KPNA1: variants seen among roughly 807,000 people sequenced by gnomAD.
The protein encoded by KPNA1 is karyopherin subunit alpha 1, also known as importin subunit alpha-5.
Under a neutral mutation model 70.5 loss-of-function variants are expected in KPNA1, and 10 were observed. The ratio of observed to expected loss-of-function variants is 0.14; its 90% CI spans 0.09 to 0.24. The LOEUF is 0.24. Among genes scored for constraint, KPNA1 ranks in the 10% least tolerant of loss-of-function variants. The pLI is 1.00. For missense variants in KPNA1, 397 were observed against 637.9 expected (o/e 0.62, Z 4.07); for synonymous variants, 192 against 221.9 (o/e 0.87, Z 1.20).
At chr3:122,495,838 A>C (rs2076754152) in intron 2 of KPNA1, among the ~76,000 whole-genome samples, 2 of 152,142 alleles carry the variant, frequency 1.3e-5, no homozygotes, top group Non-Finnish European at 2.9e-5. Flanking sequence ...AAAAAAAAAA[A>C]ATCAATGTTC....
intron 12 of KPNA1, among the ~76,000 whole-genome samples, chr3:122,429,379 C>T (rs945885923): frequency 4.7e-5 from 6 of 127,280 alleles, no homozygotes; most frequent in Admixed American, 1.9e-4. Flanking sequence ...ACACAGGAGG[C>T]GGAGGTTGCA....
intron 12 of KPNA1, among the ~76,000 whole-genome samples, chr3:122,429,467 AAAG>A (rs1416289012): frequency 6.6e-6 from 1 of 150,700 alleles, no homozygotes; most frequent in African/African-American, 2.5e-5. Flanking sequence ...AAAAAAAAAA[AAAG>A]AATCTCATTT....
At chr3:122,453,443 T>C (rs2076232889) in intron 6 of KPNA1, among the ~76,000 whole-genome samples, 1 of 152,216 alleles carries the variant, frequency 6.6e-6, no homozygotes, top group African/African-American at 2.4e-5. Context: ...AACACTCCTT[T>C]GTGACAATCC....
chr3:122,501,850 T>A (rs2076832923), intron 1 of KPNA1, among the ~76,000 whole-genome samples: 2 of 152,182 alleles, frequency 1.3e-5, no homozygotes, highest in Admixed American at 1.3e-4. Flanking sequence ...GAATTCTCTG[T>A]TTCTGTCAGT....
chr3:122,459,978 T>C (rs1259346818), intron 5 of KPNA1: 1 of 985,478 alleles, frequency 1.0e-6, no homozygotes, highest in South Asian at 4.7e-5. Context: ...AGTGTCTACA[T>C]GGCTCCAGCC....
rs527965860 is a variant in KPNA1, at chr3:122,423,155, A to G, written c.*3830T>C. The G allele has an allele frequency of 2.1e-3, 315 of 152,354 alleles. 2 individuals carry two copies. The highest frequency in any genetic ancestry group is 7.4e-3 in the African/African-American group (306 of 41,580). 9.4% of individuals were successfully genotyped at this position (152,354 alleles called of 1,614,324 possible). On this transcript the variant is annotated 3_prime_UTR_variant, in exon 14 of 14. Coordinates refer to ENST00000344337, the MANE Select transcript of KPNA1 (RefSeq NM_002264.4). ...TATGGAATATTCTTTATGATAGCCA[A>G]CTTACTGTAGTAGTCACATCTGACC...
At chr3:122,441,742 G>A (rs1033434115) in intron 10 of KPNA1, among the ~76,000 whole-genome samples, 1 of 152,046 alleles carries the variant, frequency 6.6e-6, no homozygotes, top group Admixed American at 6.5e-5. Flanking sequence ...TGGAACTACA[G>A]GCGTGTGCAA....
Position 122,507,421 on chromosome 3 carries a change from A to G in KPNA1, c.-6+7336T>C, listed in dbSNP as rs1347357075. ...GTGCCATTGCACTCCAGCCTGGGCG[A>G]CAGAGCAAGACTCCATCTCAAAAAA... is the stretch of plus-strand genomic sequence containing the variant. On this transcript the variant is annotated intron_variant, in intron 1 of 13. Coordinates refer to ENST00000344337, the MANE Select transcript of KPNA1 (RefSeq NM_002264.4). Among the ~76,000 whole-genome samples the G allele has an allele frequency of 2.7e-5, 4 of 148,606 alleles. No homozygotes were observed. The East Asian group carries it at 7.9e-4, about 29-fold the overall frequency.
At chr3:122,457,392 G>C (rs890919698) in intron 5 of KPNA1, among the ~76,000 whole-genome samples, 43 of 84,076 alleles carry the variant, frequency 5.1e-4, no homozygotes, top group African/African-American at 1.9e-3. Context: ...TCATTAACCT[G>C]GGAAAAAAAA....
intron 11 of KPNA1, among the ~76,000 whole-genome samples, chr3:122,436,782 T>G (rs929805202): frequency 6.6e-6 from 1 of 151,982 alleles, no homozygotes; most frequent in African/African-American, 2.4e-5. Context: ...ACGATATACG[T>G]TTTATTTTGT....
intron 3 of KPNA1, among the ~76,000 whole-genome samples, chr3:122,465,537 A>G (rs1258338730): frequency 6.6e-6 from 1 of 152,274 alleles, no homozygotes; most frequent in African/African-American, 2.4e-5. Context: ...ACACCACTGT[A>G]AAGTTGAAAA....
intron 9 of KPNA1, among the ~76,000 whole-genome samples, chr3:122,448,142 T>C (rs2076160847): frequency 6.6e-6 from 1 of 152,092 alleles, no homozygotes; most frequent in South Asian, 2.1e-4. Flanking sequence ...CACTCTTACA[T>C]TGTTGGTGAG....
In KPNA1 at chr3:122,481,508, G is replaced by T. The variant is rs544327346; in HGVS notation, c.130-14079C>A. Among the ~76,000 whole-genome samples, 3 of 152,302 alleles carry T rather than the reference G, an allele frequency of 2.0e-5. No individual in the cohort carries two copies. The South Asian group carries it at 6.2e-4, about 32-fold the overall frequency. On this transcript the variant is annotated intron_variant, in intron 2 of 13. Coordinates refer to ENST00000344337, the MANE Select transcript of KPNA1 (RefSeq NM_002264.4). The stretch of plus-strand genomic sequence containing the variant: ...GACAGAAAGTAGATAAGGGTTGAGG[G>T]GTCCTAAGCGGGGAGCAGAGGGAAT...
intron 10 of KPNA1, 80 bp downstream of exon 10, chr3:122,441,958 A>T: frequency 9.7e-7 from 1 of 1,035,598 alleles, no homozygotes; most frequent in South Asian, 1.3e-5. Context: ...ATATGGAGTA[A>T]AATACGATAA....
chr3:122,482,759 CTTAG>C (rs953203575), intron 2 of KPNA1, among the ~76,000 whole-genome samples: 2 of 152,126 alleles, frequency 1.3e-5, no homozygotes, highest in Admixed American at 6.5e-5. Context: ...AAATGAAATA[CTTAG>C]GGAAAAATCT....
chr3:122,464,344 TTAAATG>T (rs1338741139), intron 3 of KPNA1: 3 of 230,128 alleles, frequency 1.3e-5, no homozygotes, highest in African/African-American at 6.8e-5. Context: ...CTTATCAAAA[TTAAATG>T]TTAAGTTTTA....
intron 2 of KPNA1, 87 bp from the exon 3 acceptor site, chr3:122,467,516 G>A: frequency 1.4e-6 from 1 of 692,820 alleles, no homozygotes; most frequent in East Asian, 3.0e-5. Context: ...CCCATTCAAA[G>A]TGAAGTCTTT....
At chr3:122,471,651 G>A (rs2076443527) in intron 2 of KPNA1, among the ~76,000 whole-genome samples, 1 of 152,144 alleles carries the variant, frequency 6.6e-6, no homozygotes, top group Admixed American at 6.6e-5. Flanking sequence ...AGACGAGCCT[G>A]GCCAACATAG....
At chr3:122,464,105 T>C in intron 3 of KPNA1, 64 bp from the exon 4 acceptor site, 1 of 852,068 alleles carries the variant, frequency 1.2e-6, no homozygotes, top group Non-Finnish European at 1.8e-6. Flanking sequence ...GAAAGAAAGA[T>C]AACAGATATC....
Sources: allele counts gnomAD v4.1 joint callset (sites outside exome capture counted in the v4.1 genomes callset), GRCh38; gene constraint gnomAD v4.1.1; transcripts MANE v1.5; gene names NCBI Gene and HGNC (gene_info 2026-07-23, HGNC 2026-07-21).